The following DOK4 variants were observed in gnomAD, a reference collection of about 807,000 sequenced individuals.
The protein encoded by DOK4 is docking protein 4, also known as downstream of tyrosine kinase 4.
In DOK4, 26 loss-of-function variants were observed where a neutral mutation model predicts 40.1. The ratio of observed to expected loss-of-function variants is 0.65; its 90% CI spans 0.48 to 0.90. The LOEUF (loss-of-function observed/expected upper bound fraction) is 0.90. DOK4 is among the 40% of genes least tolerant of loss of function. The pLI, the probability that DOK4 is intolerant of heterozygous loss-of-function variation, is 0.00. For synonymous variants in DOK4, 179 were observed against 177.0 expected (o/e 1.01, Z -0.09); for missense variants, 392 against 437.2 (o/e 0.90, Z 0.92).
chr16:57,484,675 CT>C (rs2031498835), intron 1 of DOK4, among the ~76,000 whole-genome samples: 1 of 152,194 alleles, frequency 6.6e-6, no homozygotes, highest in Non-Finnish European at 1.5e-5. Flanking sequence ...ACTGCACTAG[CT>C]GTTTCCCACC....
intron 1 of DOK4, among the ~76,000 whole-genome samples, chr16:57,482,718 G>A (rs1457960751): frequency 6.6e-6 from 1 of 152,088 alleles, no homozygotes; most frequent in Non-Finnish European, 1.5e-5. Flanking sequence ...AACTCCTGGG[G>A]TCAAGTGATC....
chr16:57,475,451 C>G (rs568281455), intron 4 of DOK4, 55 bp downstream of exon 4: 113 of 1,521,906 alleles, frequency 7.4e-5, no homozygotes, highest in Non-Finnish European at 9.9e-5. Flanking sequence ...CTAGCTGGAC[C>G]TCTGACCAAG....
At chr16:57,481,276 C>T (rs623685) in intron 1 of DOK4, among the ~76,000 whole-genome samples, 3 of 152,088 alleles carry the variant, frequency 2.0e-5, no homozygotes, top group Non-Finnish European at 4.4e-5. Context: ...GGGGCAGAGA[C>T]GGTAATGCGC....
At position 57,479,546 on chromosome 16, in the gene DOK4, G is replaced by T; in HGVS notation, c.-39C>A. 6.2e-7 allele frequency: 1 copy of T among 1,609,954 alleles called. No homozygotes were observed. Among genetic ancestry groups the T allele is most frequent in the Non-Finnish European group, 8.5e-7 (1 of 1,178,384 alleles). On this transcript the variant is annotated 5_prime_UTR_variant, in exon 2 of 9. Coordinates refer to ENST00000340099, the Ensembl canonical transcript of DOK4. This position sits in a 1 kb window ranked among gnomAD's most constrained non-coding sequence, Gnocchi z 5.8. ...TTTAGGGGCGCGGGGCCTGGCAGAG[G>T]CGAGGGGAAGGATGCCCAGGTGCCT...
At chr16:57,478,724 C>T (rs1317130328) in intron 2 of DOK4, 1 of 152,788 alleles carries the variant, frequency 6.5e-6, no homozygotes, top group African/African-American at 2.4e-5. Flanking sequence ...CCCTCCAAGC[C>T]CCCAGTTCAG....
chr16:57,475,735 CCTCTCCCTCTCTCCCCCTTTCTCCCCT>C, intron 3 of DOK4, 88 bp downstream of exon 3: 2 of 616,234 alleles, frequency 3.2e-6, no homozygotes, highest in Non-Finnish European at 5.3e-6. Flanking sequence ...TCTCTCTCCT[CCTCTCCCTCTCTCCCCCTTTCTCCCCT>C]CTCTCCCTCT....
chr16:57,482,520 C>T (rs1452851265), intron 1 of DOK4, among the ~76,000 whole-genome samples: 1 of 151,872 alleles, frequency 6.6e-6, no homozygotes, highest in African/African-American at 2.4e-5. Context: ...GAGCCCACCA[C>T]CATACCCGGC....
At chr16:57,477,151 G>A (rs1327115477) in intron 2 of DOK4, among the ~76,000 whole-genome samples, 2 of 152,148 alleles carry the variant, frequency 1.3e-5, no homozygotes, top group Non-Finnish European at 2.9e-5. Context: ...ACCCCTCCTC[G>A]GCCCTACTGT....
intron 1 of DOK4, chr16:57,481,846 A>G (rs1363248378): frequency 6.6e-6 from 1 of 151,778 alleles, no homozygotes; most frequent in Non-Finnish European, 1.5e-5. Flanking sequence ...CTTGGGACAC[A>G]GAGCTTCTAC....
chr16:57,483,906 C>T (rs574508556), intron 1 of DOK4: 3 of 152,310 alleles, frequency 2.0e-5, no homozygotes, highest in Non-Finnish European at 4.4e-5. Context: ...GGGCCCCCCG[C>T]ATCCCACCTC....
chr16:57,475,471 G>T, intron 4 of DOK4, 35 bp downstream of exon 4: 1 of 1,564,062 alleles, frequency 6.4e-7, no homozygotes, highest in East Asian at 2.3e-5. Context: ...GACCACCCCA[G>T]GGGAGGCAGA....
intron 5 of DOK4, 28 bp from the exon 6 acceptor site, chr16:57,475,010 G>A (rs746222787): frequency 6.2e-7 from 1 of 1,600,586 alleles, no homozygotes; most frequent in East Asian, 2.2e-5. Context: ...GGACAAGTGG[G>A]ACCAGAGTTG....
At chr16:57,476,091 C>A in intron 2 of DOK4, 134 bp from the exon 3 acceptor site, 1 of 716,684 alleles carries the variant, frequency 1.4e-6, no homozygotes, top group East Asian at 2.7e-5. Flanking sequence ...CTGGGGACAC[C>A]GGGGGTGGGA....
exon 9 of DOK4, chr16:57,473,364 G>A (rs765523993): frequency 2.4e-5 from 38 of 1,610,196 alleles, no homozygotes; most frequent in Middle Eastern, 1.9e-4. Flanking sequence ...ATCGGTGCTC[G>A]CCAGCACTGT....
intron 1 of DOK4, among the ~76,000 whole-genome samples, chr16:57,482,110 C>T (rs570988713): frequency 1.2e-4 from 18 of 152,004 alleles, no homozygotes; most frequent in Admixed American, 2.0e-4. Context: ...ATGATCCGCC[C>T]GCCTCGGCCT....
Position 57,474,997 on chromosome 16 carries a change from G to A in DOK4, c.410-15C>T, listed in dbSNP as rs2031078014. On this transcript the variant is annotated splice_polypyrimidine_tract_variant and intron_variant, in intron 5 of 8. Transcript: ENST00000340099. ...ATTGAAGCGATCTGGAGTGGGGGAG[G>A]GTGGACAAGTGGGACCAGAGTTGCC... 2.5e-6 allele frequency: 4 copies of A among 1,602,290 alleles called. No individual in the cohort carries two copies. Among genetic ancestry groups the A allele is most frequent in the Admixed American group, 1.7e-5 (1 of 59,558 alleles).
intron 1 of DOK4, among the ~76,000 whole-genome samples, chr16:57,480,108 T>C (rs1198699892): frequency 1.2e-4 from 19 of 152,270 alleles, no homozygotes; most frequent in African/African-American, 4.6e-4. Flanking sequence ...AAAAGCCCCT[T>C]CCTGGGTACA....
chr16:57,476,966 T>G (rs1385177828), intron 2 of DOK4, among the ~76,000 whole-genome samples: 1 of 152,216 alleles, frequency 6.6e-6, no homozygotes, highest in Non-Finnish European at 1.5e-5. Context: ...CTGCCTAGAC[T>G]TTTTTCTGCC....
At chr16:57,476,306 C>A in intron 2 of DOK4, 1 of 250,630 alleles carries the variant, frequency 4.0e-6, no homozygotes, top group African/African-American at 2.2e-5. Flanking sequence ...TGTGCACAGT[C>A]TCAGGGCCAC....
Sources: allele counts gnomAD v4.1 joint callset (sites outside exome capture counted in the v4.1 genomes callset), GRCh38; gene constraint gnomAD v4.1.1; non-coding constraint Gnocchi (gnomAD v3.1); transcripts MANE v1.5; gene names NCBI Gene and HGNC (gene_info 2026-07-23, HGNC 2026-07-21).